Variants in TNPO3 observed in about 807,000 individuals in gnomAD.
The protein encoded by TNPO3 is transportin-3.
TNPO3 carries 65 observed loss-of-function variants against 122.8 expected under a neutral mutation model. The observed-to-expected ratio is 0.53, with a 90% CI of 0.43 to 0.65. The LOEUF is 0.65. Among genes scored for constraint, TNPO3 ranks in the 30% least tolerant of loss-of-function variants. The pLI, the probability that TNPO3 is intolerant of heterozygous loss-of-function variation, is 0.00. For synonymous variants in TNPO3, 372 were observed against 411.2 expected, an observed-to-expected ratio of 0.90 and a Z score of 1.15; for missense variants, 850 against 1,136.7, an observed-to-expected ratio of 0.75 and a Z score of 3.63.
chr7:129,023,456 A>T lies in TNPO3; in HGVS notation c.121-5299T>A, dbSNP rs1256524062. ...ACTGTCCAACTCAGTAACAACTTGC[A>T]TCCCTAGTGCCTACATTGTAGTCTT... On this transcript the variant is annotated intron_variant, in intron 1 of 22. Coordinates refer to ENST00000265388, the MANE Select transcript of TNPO3 (RefSeq NM_012470.4). 2.0e-4 allele frequency among the ~76,000 whole-genome samples: 30 copies of T among 152,284 alleles called. 1 individual carries two copies. The highest frequency in any genetic ancestry group is 1.5e-5 in the Non-Finnish European group (1 of 68,026).
At chr7:129,017,813 G>A (rs921895443) in intron 2 of TNPO3, 144 bp downstream of exon 2, 10 of 792,338 alleles carry the variant, frequency 1.3e-5, no homozygotes, top group Admixed American at 5.8e-5. Flanking sequence ...TAACAATTTC[G>A]TTTTCTATCC....
At chr7:129,036,190 T>C (rs975362727) in intron 1 of TNPO3, among the ~76,000 whole-genome samples, 1 of 152,012 alleles carries the variant, frequency 6.6e-6, no homozygotes, top group Non-Finnish European at 1.5e-5. Context: ...CCTGACCTCA[T>C]GATCCGCCCA....
intron 1 of TNPO3, among the ~76,000 whole-genome samples, chr7:129,049,371 C>G (rs971331006): frequency 2.0e-5 from 3 of 152,144 alleles, no homozygotes; most frequent in Non-Finnish European, 2.9e-5. Context: ...AGAGGAGAAG[C>G]AGCTGCATAC....
intron 12 of TNPO3, among the ~76,000 whole-genome samples, chr7:128,985,334 C>T (rs762024602): frequency 2.2e-4 from 33 of 152,182 alleles, no homozygotes; most frequent in Non-Finnish European, 4.3e-4. Flanking sequence ...GTGGCTCATG[C>T]CTGGTATCTC....
chr7:128,988,804 C>T (rs955452222), intron 11 of TNPO3, among the ~76,000 whole-genome samples: 6 of 152,112 alleles, frequency 3.9e-5, no homozygotes, highest in South Asian at 2.1e-4. Context: ...TTGGGCCAGG[C>T]GTGGTGGCTC....
chr7:128,970,420 G>T, intron 19 of TNPO3, 105 bp from the exon 20 acceptor site: 1 of 1,084,886 alleles, frequency 9.2e-7, no homozygotes, highest in Non-Finnish European at 1.3e-6. Context: ...GAAAGTGTGT[G>T]TGTGTGTGCA....
chr7:129,035,626 A>C (rs1484893264), intron 1 of TNPO3, among the ~76,000 whole-genome samples: 2 of 152,104 alleles, frequency 1.3e-5, no homozygotes, highest in Non-Finnish European at 2.9e-5. Context: ...GGGGAAAAAA[A>C]AAGCAAAACC....
At chr7:128,960,017 T>C (rs568998741) in intron 21 of TNPO3, among the ~76,000 whole-genome samples, 1 of 152,214 alleles carries the variant, frequency 6.6e-6, no homozygotes, top group Non-Finnish European at 1.5e-5. Context: ...CAAGACTCCG[T>C]CTCAAAAAAA....
At chr7:129,010,453 C>T (rs542507452) in intron 4 of TNPO3, among the ~76,000 whole-genome samples, 1 of 152,220 alleles carries the variant, frequency 6.6e-6, no homozygotes, top group East Asian at 1.9e-4. Flanking sequence ...TAAGCATAAA[C>T]CACATTGCCT....
intron 3 of TNPO3, 91 bp downstream of exon 3, chr7:129,016,892 T>C (rs111879081): frequency 7.9e-5 from 84 of 1,059,152 alleles, no homozygotes; most frequent in African/African-American, 2.0e-4. Flanking sequence ...TTCAGGGAAA[T>C]AGTCAAATAT....
chr7:129,006,989 C>T (rs933639408), intron 4 of TNPO3, among the ~76,000 whole-genome samples: 1 of 152,184 alleles, frequency 6.6e-6, no homozygotes, highest in African/African-American at 2.4e-5. Context: ...ATATACTTGA[C>T]TCTTTCTATT....
rs114898166 is a variant in TNPO3, at chr7:129,006,817, A to T, written c.553-1658T>A. Among the ~76,000 whole-genome samples the T allele has an allele frequency of 3.3e-3, 496 of 152,326 alleles. 2 individuals carry two copies. Among genetic ancestry groups the T allele is most frequent in the African/African-American group, 0.011 (477 of 41,574 alleles). ...CAAAGAATGCTAGGTTGCTAAGATG[A>T]AGAGAAGTGAGGGGTTAATGAATGA... On this transcript the variant is annotated intron_variant, in intron 4 of 22. Transcript: ENST00000265388.
chr7:129,028,622 G>A, intron 1 of TNPO3, among the ~76,000 whole-genome samples: 1 of 152,206 alleles, frequency 6.6e-6, no homozygotes, highest in East Asian at 1.9e-4. Flanking sequence ...AACAGCTCCA[G>A]CACTACCTTG....
chr7:129,002,824 C>T (rs1049858973), intron 5 of TNPO3, among the ~76,000 whole-genome samples: 3 of 150,980 alleles, frequency 2.0e-5, no homozygotes, highest in Admixed American at 6.6e-5. Context: ...AGGCTGAGGC[C>T]GGTAGATCAC....
chr7:128,967,271 A>C lies in TNPO3; in HGVS notation c.2711+9T>G, dbSNP rs922348928. On this transcript the variant is annotated intron_variant, in intron 21 of 22. Transcript: ENST00000265388. ...CCACACCTCCTTAAGAACCCCCAGT[A>C]TCACTCACCTAGTGACTTGCTTGTG... 2 of 1,548,936 alleles carry C rather than the reference A, an allele frequency of 1.3e-6. No homozygotes were observed. The highest frequency in any genetic ancestry group is 2.7e-5 in the African/African-American group (2 of 73,730).
intron 1 of TNPO3, among the ~76,000 whole-genome samples, chr7:129,045,367 A>T (rs959660314): frequency 6.6e-6 from 1 of 152,088 alleles, no homozygotes; most frequent in Non-Finnish European, 1.5e-5. Flanking sequence ...ACGGTAGCTC[A>T]TGCCTGTAAT....
At position 128,987,559 on chromosome 7, in the gene TNPO3, T is replaced by A. The variant is rs532172922; in HGVS notation, c.1499-639A>T. Among the ~76,000 whole-genome samples, 29 of 152,298 alleles carry A rather than the reference T, an allele frequency of 1.9e-4. No individual in the cohort carries two copies. The South Asian group carries it at 5.0e-3, about 26-fold the overall frequency. ...TTTTATAAAAATCAGATTTTTTTTC[T>A]ATAGGAAAAAAACCTTAGAAAAACC... is the stretch of plus-strand genomic sequence containing the variant. On this transcript the variant is annotated intron_variant, in intron 11 of 22. Coordinates refer to ENST00000265388, the MANE Select transcript of TNPO3 (RefSeq NM_012470.4).
At chr7:129,014,045 T>G (rs1265301251) in intron 4 of TNPO3, among the ~76,000 whole-genome samples, 1 of 152,314 alleles carries the variant, frequency 6.6e-6, no homozygotes, top group East Asian at 1.9e-4. Flanking sequence ...GGATACGTTA[T>G]AGTGTTACAC....
intron 21 of TNPO3, among the ~76,000 whole-genome samples, chr7:128,966,563 T>C (rs972966723): frequency 6.6e-6 from 1 of 152,234 alleles, no homozygotes; most frequent in Non-Finnish European, 1.5e-5. Flanking sequence ...AAAGGCTCTA[T>C]TTTTGACATT....
Sources: allele counts gnomAD v4.1 joint callset (sites outside exome capture counted in the v4.1 genomes callset), GRCh38; gene constraint gnomAD v4.1.1; transcripts MANE v1.5; gene names NCBI Gene and HGNC (gene_info 2026-07-23, HGNC 2026-07-21).